Variants in DCC observed in about 807,000 individuals in gnomAD.
The protein encoded by DCC is netrin receptor DCC.
A neutral mutation model predicts 172.5 loss-of-function variants in DCC; 58 were observed. The observed-to-expected ratio is 0.34, with a 90% CI of 0.27 to 0.42. The LOEUF is 0.42. Among genes scored for constraint, DCC ranks in the 10% least tolerant of loss-of-function variants. The pLI is 1.00. For missense variants in DCC, 1,740 were observed against 1,791.0 expected (o/e 0.97, Z 0.51); for synonymous variants, 709 against 644.5 (o/e 1.10, Z -1.52).
intron 5 of DCC, among the ~76,000 whole-genome samples, chr18:53,057,946 C>A (rs2042434903): frequency 1.3e-5 from 2 of 151,966 alleles, no homozygotes; most frequent in Non-Finnish European, 2.9e-5. Flanking sequence ...AAGTTGACCA[C>A]AGAGATAGAC....
At position 52,952,947 on chromosome 18, in the gene DCC, A is replaced by G. The variant is rs551734750; in HGVS notation, c.985+27577A>G. ...CAGGAAGTCAAGGCTGCAGTTAGCT[A>G]TGATTGCACTACTGCACTCCAGCCT... On this transcript the variant is annotated intron_variant, in intron 5 of 28. Transcript: ENST00000442544. Among the ~76,000 whole-genome samples the G allele has an allele frequency of 1.2e-3, 150 of 128,970 alleles. 1 individual carries two copies. Among genetic ancestry groups the G allele is most frequent in the African/African-American group, 4.2e-3 (144 of 34,628 alleles). The allele number at this position is 128,970 out of a possible 152,430, so 84.6% of individuals were successfully genotyped here.
intron 1 of DCC, among the ~76,000 whole-genome samples, chr18:52,663,413 G>C (rs1037371547): frequency 6.6e-6 from 1 of 152,100 alleles, no homozygotes; most frequent in Non-Finnish European, 1.5e-5. Context: ...GCTGAGTTTC[G>C]AGTGGACTAG....
chr18:52,401,239 T>C (rs998962043), intron 1 of DCC, among the ~76,000 whole-genome samples: 10 of 152,142 alleles, frequency 6.6e-5, no homozygotes, highest in African/African-American at 2.4e-4. Flanking sequence ...TATGCTTTCC[T>C]AATGGGCATA....
intron 12 of DCC, among the ~76,000 whole-genome samples, chr18:53,268,564 T>C (rs2056709996): frequency 6.6e-6 from 1 of 152,188 alleles, no homozygotes; most frequent in Non-Finnish European, 1.5e-5. Flanking sequence ...TTCAATTTTC[T>C]CATTTGCAAT....
intron 21 of DCC, among the ~76,000 whole-genome samples, chr18:53,429,817 AG>A (rs1911494724): frequency 1.3e-5 from 2 of 152,176 alleles, no homozygotes; most frequent in Non-Finnish European, 1.5e-5. Context: ...TCTTTCAATC[AG>A]TGAACTTTCT....
Position 53,157,242 on chromosome 18 carries a change from G to T in DCC, c.1262-114G>T, listed in dbSNP as rs1450034837. ...TCCCTTGGTTTTCTTCCTTGCTTTA[G>T]AATCAAGGTGACTATGACATGGAGA... is the stretch of plus-strand genomic sequence containing the variant. On this transcript the variant is annotated intron_variant, in intron 7 of 28. Transcript: ENST00000442544. The T allele has an allele frequency of 4.0e-6, 5 of 1,263,994 alleles. No homozygotes were observed. The East Asian group carries it at 9.3e-5, about 23-fold the overall frequency. 78.3% of individuals were successfully genotyped at this position (1,263,994 alleles called of 1,614,324 possible).
intron 2 of DCC, among the ~76,000 whole-genome samples, chr18:52,768,870 G>T (rs147252609): frequency 1.3e-5 from 2 of 152,164 alleles, no homozygotes; most frequent in Non-Finnish European, 1.5e-5. Context: ...AATTAGAAAA[G>T]GGTGAGGGAG....
chr18:52,954,684 G>A (rs868117401), intron 5 of DCC, among the ~76,000 whole-genome samples: 16 of 152,186 alleles, frequency 1.1e-4, no homozygotes, highest in Middle Eastern at 6.8e-3. Context: ...TATTTAAGAA[G>A]CAATTTTTAA....
chr18:52,539,836 A>G (rs1393705425), intron 1 of DCC, among the ~76,000 whole-genome samples: 1 of 152,214 alleles, frequency 6.6e-6, no homozygotes, highest in Non-Finnish European at 1.5e-5. Flanking sequence ...TAGCCATTCC[A>G]CAAAACATGT....
intron 7 of DCC, among the ~76,000 whole-genome samples, chr18:53,124,548 T>C (rs1245130380): frequency 6.6e-6 from 1 of 152,062 alleles, no homozygotes; most frequent in Non-Finnish European, 1.5e-5. Context: ...CATTACTTAG[T>C]TGTGGGTTAT....
intron 12 of DCC, among the ~76,000 whole-genome samples, chr18:53,303,314 G>A (rs1260382586): frequency 5.3e-5 from 8 of 152,050 alleles, no homozygotes; most frequent in Non-Finnish European, 1.2e-4. Flanking sequence ...GTTGATGGAT[G>A]GATTATCATT....
intron 5 of DCC, among the ~76,000 whole-genome samples, chr18:52,990,607 G>A (rs1012464147): frequency 2.4e-5 from 3 of 127,462 alleles, no homozygotes; most frequent in Non-Finnish European, 5.1e-5. Context: ...AATGATCAAA[G>A]AGATTGTATA....
intron 19 of DCC, among the ~76,000 whole-genome samples, chr18:53,408,775 G>A (rs1266611375): frequency 6.6e-6 from 1 of 152,058 alleles, no homozygotes; most frequent in African/African-American, 2.4e-5. Flanking sequence ...CGCAGATTTG[G>A]GAAATACCAA....
intron 5 of DCC, among the ~76,000 whole-genome samples, chr18:53,032,061 G>C (rs1396098330): frequency 6.6e-6 from 1 of 152,122 alleles, no homozygotes; most frequent in African/African-American, 2.4e-5. Flanking sequence ...CAGGAGGTCA[G>C]CCACAGATTT....
At chr18:53,014,991 G>A (rs113744902) in intron 5 of DCC, among the ~76,000 whole-genome samples, 1 of 152,114 alleles carries the variant, frequency 6.6e-6, no homozygotes, top group African/African-American at 2.4e-5. Context: ...ATTAAAATTA[G>A]AATGCAACTA....
chr18:53,351,291 G>GTGTATATA lies in DCC; in HGVS notation c.2359+11385_2359+11386insGTATATAT, dbSNP rs370537393. The stretch of plus-strand genomic sequence containing the variant: ...AGAAAAGATCTTCTCATTGAGTACA[G>GTGTATATA]TATATATATATATATATATATATAC... On this transcript the variant is annotated intron_variant, in intron 15 of 28. Coordinates refer to ENST00000442544, the MANE Select transcript of DCC (RefSeq NM_005215.4). Among the ~76,000 whole-genome samples, 11 of 34,450 alleles carry GTGTATATA rather than the reference G, an allele frequency of 3.2e-4. No homozygotes were observed. The East Asian group carries it at 7.0e-3, about 22-fold the overall frequency. The allele number at this position is 34,450 out of a possible 152,430, so 22.6% of individuals were successfully genotyped here.
chr18:53,075,248 T>C (rs2042708529), intron 7 of DCC, among the ~76,000 whole-genome samples: 1 of 152,176 alleles, frequency 6.6e-6, no homozygotes, highest in African/African-American at 2.4e-5. Context: ...GCAGTATCAG[T>C]TTAATAATGA....
intron 12 of DCC, among the ~76,000 whole-genome samples, chr18:53,285,506 G>A (rs535961953): frequency 6.6e-6 from 1 of 152,350 alleles, no homozygotes; most frequent in African/African-American, 2.4e-5. Context: ...CTAGATTTCA[G>A]AAAATGTATG....
chr18:53,527,148 A>T (rs1044342314), intron 28 of DCC, among the ~76,000 whole-genome samples: 15 of 150,610 alleles, frequency 1.0e-4, no homozygotes, highest in Non-Finnish European at 1.8e-4. Context: ...TCTTTTCAAT[A>T]GGAAGAAATA....
Sources: gnomAD v4.1 joint callset for allele counts (sites outside exome capture counted in the v4.1 genomes callset) on GRCh38, gnomAD v4.1.1 for gene constraint, MANE v1.5 for transcripts, NCBI Gene and HGNC (gene_info 2026-07-23, HGNC 2026-07-21) for gene names.